The following CCDC6 variants were observed in gnomAD, a reference collection of about 807,000 sequenced individuals.
CCDC6 encodes coiled-coil domain containing 6.
In CCDC6, 20 loss-of-function variants were observed where a neutral mutation model predicts 56.6. The observed-to-expected ratio is 0.35, with a 90% CI of 0.25 to 0.51. The LOEUF (loss-of-function observed/expected upper bound fraction) is 0.51. CCDC6 is among the 20% of genes least tolerant of loss of function. The pLI, the probability that CCDC6 is intolerant of heterozygous loss-of-function variation, is 0.95. For missense variants in CCDC6, 367 were observed against 601.1 expected (o/e 0.61, Z 4.07); for synonymous variants, 241 against 234.4 (o/e 1.03, Z -0.26).
chr10:59,871,891 T>C (rs554592166), intron 1 of CCDC6, among the ~76,000 whole-genome samples: 1 of 152,196 alleles, frequency 6.6e-6, no homozygotes, highest in African/African-American at 2.4e-5. Flanking sequence ...AATATAAGGA[T>C]ACAAGTTCTC....
At position 59,837,282 on chromosome 10, in the gene CCDC6, C is replaced by T. The variant is rs10994044; in HGVS notation, c.454-4629G>A. Among the ~76,000 whole-genome samples the T allele has an allele frequency of 5.4e-3, 830 of 152,310 alleles. 4 individuals are homozygous for T. The highest frequency in any genetic ancestry group is 0.018 in the African/African-American group (735 of 41,560). On this transcript the variant is annotated intron_variant, in intron 2 of 8. Coordinates refer to ENST00000263102, the MANE Select transcript of CCDC6 (RefSeq NM_005436.5). ...AATAGGTACCACAGGTGCATGTGCA[C>T]GCTGGATGCTGAGAGCACCTTCCCA...
chr10:59,804,300 A>G, intron 7 of CCDC6, 120 bp downstream of exon 7: 1 of 649,704 alleles, frequency 1.5e-6, no homozygotes, highest in Non-Finnish European at 2.8e-6. Flanking sequence ...TGTTTTTGAA[A>G]AAGACATGAT....
At chr10:59,857,219 GAAAAATAAACACCAA>G (rs2071087516) in intron 1 of CCDC6, among the ~76,000 whole-genome samples, 1 of 152,044 alleles carries the variant, frequency 6.6e-6, no homozygotes, top group African/African-American at 2.4e-5. Context: ...AGTCCTGTGG[GAAAAATAAACACCAA>G]AAAAATTACA....
At chr10:59,862,516 TACACACACACACACACACACACACAC>T (rs60162547) in intron 1 of CCDC6, among the ~76,000 whole-genome samples, 43 of 97,134 alleles carry the variant, frequency 4.4e-4, no homozygotes, top group Non-Finnish European at 5.1e-4. Flanking sequence ...TATATATATA[TACACACACACACACACACACACACAC>T]ACACACACAC....
At position 59,794,489 on chromosome 10, in the gene CCDC6, G is replaced by A; in HGVS notation, c.1214C>T (p.Thr405Ile). ...SPGLHVQHMG[T>I]SHGITRPSPR... ...GACACTTACTGTGATACCATGGGATGTTCCCATGTGCTGCACGTGAAGACC... is the reference window on the plus strand; with the variant it reads ...GACACTTACTGTGATACCATGGGATATTCCCATGTGCTGCACGTGAAGACC... The change falls in exon 8 of 9, where the codon ACA (threonine) becomes ATA (isoleucine). Residue 405 changes from threonine to isoleucine, a missense_variant. By Grantham distance (89) the Thr-to-Ile change is moderately conservative (BLOSUM62 -1). Transcript: ENST00000263102. 1.2e-6 allele frequency: 2 copies of A among 1,613,996 alleles called. No homozygotes were observed.
At chr10:59,883,932 T>C (rs2071364677) in intron 1 of CCDC6, among the ~76,000 whole-genome samples, 1 of 152,192 alleles carries the variant, frequency 6.6e-6, no homozygotes, top group Non-Finnish European at 1.5e-5. Context: ...TTTCCCAACA[T>C]TTTCTAGCAT....
At chr10:59,842,336 C>T (rs531878656) in intron 2 of CCDC6, among the ~76,000 whole-genome samples, 3 of 152,280 alleles carry the variant, frequency 2.0e-5, no homozygotes, top group East Asian at 1.9e-4. Flanking sequence ...TGTGAGCCAC[C>T]GTGCCTGGCC....
At chr10:59,799,153 G>A (rs915860973) in intron 7 of CCDC6, among the ~76,000 whole-genome samples, 11 of 151,632 alleles carry the variant, frequency 7.3e-5, no homozygotes, top group Admixed American at 3.3e-4. Context: ...AATCCTGGCC[G>A]GTCATGGTGG....
chr10:59,841,369 A>G (rs944577228), intron 2 of CCDC6, among the ~76,000 whole-genome samples: 1 of 152,198 alleles, frequency 6.6e-6, no homozygotes, highest in Non-Finnish European at 1.5e-5. Context: ...ACAGTGTTCT[A>G]TATCTTTCCA....
intron 7 of CCDC6, among the ~76,000 whole-genome samples, chr10:59,803,346 A>T (rs1256038058): frequency 1.3e-5 from 2 of 151,936 alleles, no homozygotes; most frequent in Non-Finnish European, 2.9e-5. Context: ...ATGGCAGCAC[A>T]GTGCTGTGAA....
chr10:59,850,696 T>C (rs977663936), intron 2 of CCDC6, among the ~76,000 whole-genome samples: 15 of 144,462 alleles, frequency 1.0e-4, no homozygotes, highest in African/African-American at 1.9e-4. Context: ...TTTTAGTCTA[T>C]GATTTTTTTT....
At chr10:59,882,946 C>G (rs1236752186) in intron 1 of CCDC6, among the ~76,000 whole-genome samples, 1 of 149,752 alleles carries the variant, frequency 6.7e-6, no homozygotes, top group Admixed American at 6.6e-5. Context: ...GGCGACAGAG[C>G]AAGACTCTGC....
intron 1 of CCDC6, among the ~76,000 whole-genome samples, chr10:59,888,133 T>C (rs996063021): frequency 6.6e-6 from 1 of 152,220 alleles, no homozygotes; most frequent in Non-Finnish European, 1.5e-5. Context: ...AGAAAACGTG[T>C]CTGCACATAC....
rs978526613 is a variant in CCDC6, at chr10:59,906,551, G to C, written c.-127C>G. ...CGAGCTGAGCGCCTGGCACCAGGGCGCAGACTCGGAGCGGCGGCGAGAGAA... is the reference window on the plus strand; with the variant it reads ...CGAGCTGAGCGCCTGGCACCAGGGCCCAGACTCGGAGCGGCGGCGAGAGAA... On this transcript the variant is annotated 5_prime_UTR_variant, in exon 1 of 9. Transcript: ENST00000263102. 26 of 785,980 alleles carry C rather than the reference G, an allele frequency of 3.3e-5. No homozygotes were observed. The highest frequency in any genetic ancestry group is 4.9e-5 in the Non-Finnish European group (26 of 534,914). The allele number at this position is 785,980 out of a possible 1,614,324, so 48.7% of individuals were successfully genotyped here.
intron 7 of CCDC6, among the ~76,000 whole-genome samples, chr10:59,797,009 C>T (rs1279735627): frequency 6.6e-6 from 1 of 151,444 alleles, no homozygotes; most frequent in Non-Finnish European, 1.5e-5. Context: ...ACCTCACTGT[C>T]CATCAACGGA....
rs35934353 is a variant in CCDC6, at chr10:59,789,899, AT to A, written c.*3017del. The A allele has an allele frequency of 0.67, 144,761 of 216,702 alleles. 48,743 individuals are homozygous for A. Among genetic ancestry groups the A allele is most frequent in the East Asian group, 0.81 (11,658 of 14,456 alleles). The allele number at this position is 216,702 out of a possible 1,614,324, so 13.4% of individuals were successfully genotyped here. On this transcript the variant is annotated 3_prime_UTR_variant, in exon 9 of 9. Coordinates refer to ENST00000263102, the MANE Select transcript of CCDC6 (RefSeq NM_005436.5). ...CACATTATCAATTATTTCTGGTTGA[AT>A]TCTGTTAGAAGCCAATTACAAAGGG...
intron 7 of CCDC6, among the ~76,000 whole-genome samples, chr10:59,800,010 C>T (rs762803837): frequency 2.6e-5 from 4 of 152,166 alleles, no homozygotes; most frequent in Non-Finnish European, 4.4e-5. Flanking sequence ...CTAAGCTGGT[C>T]GCTCTCTCCT....
intron 1 of CCDC6, among the ~76,000 whole-genome samples, chr10:59,874,144 C>T (rs896079377): frequency 6.6e-6 from 1 of 151,470 alleles, no homozygotes; most frequent in Admixed American, 6.6e-5. Flanking sequence ...CACACACACA[C>T]GCACACACCC....
chr10:59,901,058 CA>C (rs904055827), intron 1 of CCDC6, among the ~76,000 whole-genome samples: 1 of 151,048 alleles, frequency 6.6e-6, no homozygotes, highest in Non-Finnish European at 1.5e-5. Context: ...CACACACACA[CA>C]AAAAAAACAA....
Sources: allele counts gnomAD v4.1 joint callset (sites outside exome capture counted in the v4.1 genomes callset), GRCh38; gene constraint gnomAD v4.1.1; transcripts MANE v1.5; gene names NCBI Gene and HGNC (gene_info 2026-07-23, HGNC 2026-07-21).